The following WDR72 variants were observed in gnomAD, a reference collection of about 807,000 sequenced individuals.
The protein encoded by WDR72 is WD repeat domain 72, also known as WD repeat-containing protein 72.
WDR72 carries 120 observed loss-of-function variants against 124.2 expected under a neutral mutation model. The ratio of observed to expected loss-of-function variants is 0.97; its 90% CI spans 0.83 to 1.12. The LOEUF is 1.12. WDR72 is among the 50% of genes most tolerant of loss of function. The probability of loss-of-function intolerance (pLI) is 0.00; values close to 1 mark genes in which losing one functional copy is unlikely to be tolerated. For synonymous variants in WDR72, 452 were observed against 441.7 expected (o/e 1.02, Z -0.29); for missense variants, 1,387 against 1,278.8 (o/e 1.08, Z -1.29).
chr15:53,599,186 C>CTA (rs1319233107), intron 17 of WDR72, among the ~76,000 whole-genome samples: 5 of 151,704 alleles, frequency 3.3e-5, no homozygotes, highest in Non-Finnish European at 7.4e-5. Context: ...ACATATACTG[C>CTA]TATATATATA....
chr15:53,642,711 C>T (rs2014898920), intron 14 of WDR72, among the ~76,000 whole-genome samples: 1 of 152,088 alleles, frequency 6.6e-6, no homozygotes, highest in African/African-American at 2.4e-5. Flanking sequence ...ACTCAAGTTA[C>T]TCTATATATT....
intron 3 of WDR72, among the ~76,000 whole-genome samples, chr15:53,720,722 C>G (rs927170144): frequency 6.6e-6 from 1 of 152,180 alleles, no homozygotes; most frequent in Non-Finnish European, 1.5e-5. Context: ...ACTGCTTTTT[C>G]TCACTGTCTA....
In WDR72 at chr15:53,601,591, G is replaced by A. The variant is rs143415609; in HGVS notation, c.2953-4317C>T. On this transcript the variant is annotated intron_variant, in intron 17 of 19. Coordinates refer to ENST00000360509, the MANE Select transcript of WDR72 (RefSeq NM_182758.4). ...AGCTAGATAAAGAACCAAAACTATC[G>A]GTATGTCGTCTTCAAGATAACATGT... 6.0e-3 allele frequency among the ~76,000 whole-genome samples: 897 copies of A among 148,394 alleles called. 2 individuals are homozygous for A. The highest frequency in any genetic ancestry group is 0.02 in the Middle Eastern group (6 of 294).
chr15:53,684,607 C>T (rs889462228), intron 13 of WDR72: 1 of 158,168 alleles, frequency 6.3e-6, no homozygotes, highest in Admixed American at 6.5e-5. Context: ...TGAGATCAAA[C>T]TGCAAGGCGG....
At chr15:53,718,048 C>T (rs535543912) in intron 3 of WDR72, among the ~76,000 whole-genome samples, 27 of 152,222 alleles carry the variant, frequency 1.8e-4, no homozygotes, top group Non-Finnish European at 7.4e-5. Context: ...GTAATTGAAC[C>T]TTAAGCAGTC....
intron 4 of WDR72, among the ~76,000 whole-genome samples, chr15:53,716,317 A>G (rs2017705973): frequency 6.6e-6 from 1 of 152,188 alleles, no homozygotes; most frequent in Non-Finnish European, 1.5e-5. Context: ...CACATGTACA[A>G]GTATGTGTAT....
intron 14 of WDR72, among the ~76,000 whole-genome samples, chr15:53,636,840 GTTT>G (rs1375824694): frequency 6.6e-6 from 1 of 152,128 alleles, no homozygotes; most frequent in Non-Finnish European, 1.5e-5. Context: ...CCAAGCCCAT[GTTT>G]TAATGATTTA....
chr15:53,685,876 A>G (rs2140491319), intron 13 of WDR72, among the ~76,000 whole-genome samples: 2 of 122,396 alleles, frequency 1.6e-5, no homozygotes, highest in South Asian at 5.4e-4. Context: ...CAGAAACCCT[A>G]CAAGCCAGAA....
Position 53,523,330 on chromosome 15 carries a change from A to AAGAC in WDR72, c.3149-9_3149-8insGTCT. On this transcript the variant is annotated splice_polypyrimidine_tract_variant and intron_variant, in intron 18 of 19. Coordinates refer to ENST00000360509, the MANE Select transcript of WDR72 (RefSeq NM_182758.4). ...TGACCGGGCTGACTGGAGCTATTAA[A>AAGAC]AGAGAGAGAGAGAGAGAGAGAGACA... The AAGAC allele has an allele frequency of 6.3e-7, 1 of 1,574,988 alleles. No homozygotes were observed. The highest frequency in any genetic ancestry group is 8.7e-7 in the Non-Finnish European group (1 of 1,152,314).
At chr15:53,535,181 T>A (rs903178315) in intron 18 of WDR72, among the ~76,000 whole-genome samples, 1 of 152,212 alleles carries the variant, frequency 6.6e-6, no homozygotes. Context: ...TAGAACCATT[T>A]ACACATAGAA....
intron 18 of WDR72, among the ~76,000 whole-genome samples, chr15:53,541,624 C>T (rs1190054763): frequency 1.6e-4 from 25 of 151,884 alleles, no homozygotes; most frequent in African/African-American, 4.6e-4. Context: ...TCACCAGCAA[C>T]GGAACAAAGC....
intron 18 of WDR72, among the ~76,000 whole-genome samples, chr15:53,547,855 A>G (rs1424536558): frequency 6.6e-6 from 1 of 152,186 alleles, no homozygotes; most frequent in Non-Finnish European, 1.5e-5. Context: ...AAGGAAGAGG[A>G]CAAATTAATT....
chr15:53,543,709 G>T (rs1252477817), intron 18 of WDR72, among the ~76,000 whole-genome samples: 1 of 151,960 alleles, frequency 6.6e-6, no homozygotes, highest in Non-Finnish European at 1.5e-5. Context: ...TCCAGGAGCT[G>T]TTTTCTGAAA....
intron 7 of WDR72, among the ~76,000 whole-genome samples, chr15:53,712,212 T>A (rs1012091457): frequency 1.7e-4 from 26 of 152,190 alleles, no homozygotes; most frequent in Non-Finnish European, 4.4e-5. Context: ...TGCTACTACA[T>A]ATATAATATC....
chr15:53,601,050 A>G (rs2013022566), intron 17 of WDR72, among the ~76,000 whole-genome samples: 2 of 152,144 alleles, frequency 1.3e-5, no homozygotes, highest in Admixed American at 6.6e-5. Flanking sequence ...CTGTTTTACA[A>G]AAGTATTCCA....
upstream of WDR72, among the ~76,000 whole-genome samples, chr15:53,760,064 A>G (rs899774375): frequency 2.0e-5 from 3 of 147,510 alleles, no homozygotes; most frequent in African/African-American, 7.6e-5. Context: ...GTAGGTGTAT[A>G]TATTTATGGG....
chr15:53,587,609 G>C (rs1469291289), intron 18 of WDR72, among the ~76,000 whole-genome samples: 1 of 151,976 alleles, frequency 6.6e-6, no homozygotes, highest in Non-Finnish European at 1.5e-5. Context: ...AGATTTTCAA[G>C]GGAGCATTAC....
At position 53,702,225 on chromosome 15, in the gene WDR72, A is replaced by T; in HGVS notation, c.1478T>A (p.Leu493Ter). ...AATTTCTTCAGTAAAGATATCCCACAAGATCACACATGAGTCCAGGTCCCC... is the reference window on the plus strand; with the variant it reads ...AATTTCTTCAGTAAAGATATCCCACTAGATCACACATGAGTCCAGGTCCCC... ...LSGDLDSCVI[L>*]WDIFTEEILH... Residue 493 changes from leucine (L) to a stop codon, truncating the protein, a stop_gained, in exon 12 of 20, where the codon TTG becomes TAG. Coordinates refer to ENST00000360509, the MANE Select transcript of WDR72 (RefSeq NM_182758.4). LOFTEE classifies it high-confidence loss of function. The T allele has an allele frequency of 6.2e-7, 1 of 1,614,178 alleles. No homozygotes were observed. Among genetic ancestry groups the T allele is most frequent in the Non-Finnish European group, 8.5e-7 (1 of 1,180,026 alleles).
rs994477106 is a variant in WDR72, at chr15:53,546,413, A to G, written c.3149-23091T>C. On this transcript the variant is annotated intron_variant, in intron 18 of 19. Transcript: ENST00000360509. ...ATCATTCTCAGTAAACTATCGCAAG[A>G]ACAAAAAACCAAACACCGCATATTC... Among the ~76,000 whole-genome samples, 37 of 150,998 alleles carry G rather than the reference A, an allele frequency of 2.5e-4. 1 individual carries two copies. Among genetic ancestry groups the G allele is most frequent in the African/African-American group, 8.5e-4 (35 of 40,972 alleles).
Sources: allele counts gnomAD v4.1 joint callset (sites outside exome capture counted in the v4.1 genomes callset), GRCh38; gene constraint gnomAD v4.1.1; transcripts MANE v1.5; gene names NCBI Gene and HGNC (gene_info 2026-07-23, HGNC 2026-07-21).